The following TLL1 variants were observed in gnomAD, a reference collection of about 807,000 sequenced individuals.
TLL1 encodes the protein tolloid like 1, also known as tolloid-like protein 1.
TLL1 carries 49 observed loss-of-function variants against 128.2 expected under a neutral mutation model. The ratio of observed to expected loss-of-function variants is 0.38; its 90% CI spans 0.30 to 0.48. The LOEUF (loss-of-function observed/expected upper bound fraction) is 0.48. Ranked by LOEUF, TLL1 falls within the 20% of genes least tolerant of loss-of-function variation. The pLI is 0.96. For missense variants in TLL1, 1,123 were observed against 1,242.0 expected (o/e 0.90, Z 1.44); for synonymous variants, 454 against 418.8 (o/e 1.08, Z -1.03).
At chr4:166,010,725 G>A (rs1397496552) in intron 7 of TLL1, among the ~76,000 whole-genome samples, 1 of 151,104 alleles carries the variant, frequency 6.6e-6, no homozygotes, top group Non-Finnish European at 1.5e-5. Context: ...CTGGTCACAT[G>A]CAACACCATG....
At chr4:165,923,734 T>A (rs538625467) in intron 1 of TLL1, among the ~76,000 whole-genome samples, 1 of 152,064 alleles carries the variant, frequency 6.6e-6, no homozygotes, top group Non-Finnish European at 1.5e-5. Context: ...TGCACCTGGC[T>A]GGTATACCTG....
chr4:165,938,730 C>T (rs937033030), intron 1 of TLL1, among the ~76,000 whole-genome samples: 2 of 151,984 alleles, frequency 1.3e-5, no homozygotes, highest in African/African-American at 4.8e-5. Context: ...CCTTTGGCTC[C>T]TGCCAACCAC....
At chr4:166,033,180 A>G (rs1738850955) in intron 9 of TLL1, among the ~76,000 whole-genome samples, 1 of 152,146 alleles carries the variant, frequency 6.6e-6, no homozygotes, top group African/African-American at 2.4e-5. Flanking sequence ...ACTTTACAAA[A>G]TGTACCTGCG....
At chr4:166,064,835 T>G (rs1740497950) in intron 15 of TLL1, among the ~76,000 whole-genome samples, 1 of 152,128 alleles carries the variant, frequency 6.6e-6, no homozygotes, top group African/African-American at 2.4e-5. Context: ...ACCTATTTAG[T>G]AGCAGAAGAA....
chr4:165,959,679 A>G (rs1034169707), intron 1 of TLL1, among the ~76,000 whole-genome samples: 2 of 152,164 alleles, frequency 1.3e-5, no homozygotes, highest in Admixed American at 1.3e-4. Flanking sequence ...AGAAACAAAT[A>G]ACAGGAGTAT....
At chr4:166,060,619 A>G (rs755459770) in intron 15 of TLL1, among the ~76,000 whole-genome samples, 41 of 152,190 alleles carry the variant, frequency 2.7e-4, no homozygotes, top group Non-Finnish European at 5.3e-4. Context: ...TTCATTATGA[A>G]TGTGCTCGTG....
chr4:165,901,809 G>T (rs1443045614), intron 1 of TLL1, among the ~76,000 whole-genome samples: 3 of 152,186 alleles, frequency 2.0e-5, no homozygotes, highest in African/African-American at 7.2e-5. Flanking sequence ...GAGCTGGCAG[G>T]CAGGAACATT....
intron 7 of TLL1, among the ~76,000 whole-genome samples, chr4:166,010,782 T>G (rs1352282034): frequency 1.3e-5 from 2 of 151,226 alleles, no homozygotes; most frequent in African/African-American, 4.8e-5. Flanking sequence ...AGTTTGGGTC[T>G]TATGTTTATT....
chr4:166,066,871 A>T (rs7686255), intron 16 of TLL1, among the ~76,000 whole-genome samples: 65,562 of 151,596 alleles, frequency 0.43, 15,505 homozygotes, highest in African/African-American at 0.64. Context: ...GATTTATGTT[A>T]TTCAAAGTAT....
At chr4:165,906,011 C>T (rs935694937) in intron 1 of TLL1, among the ~76,000 whole-genome samples, 1 of 151,894 alleles carries the variant, frequency 6.6e-6, no homozygotes, top group African/African-American at 2.4e-5. Context: ...GTTTTGTATA[C>T]ATTATAATTC....
chr4:165,934,700 C>A (rs1733688916), intron 1 of TLL1, among the ~76,000 whole-genome samples: 1 of 152,220 alleles, frequency 6.6e-6, no homozygotes, highest in Non-Finnish European at 1.5e-5. Flanking sequence ...TTGATTCCAA[C>A]AGACTCCCTG....
intron 1 of TLL1, among the ~76,000 whole-genome samples, chr4:165,930,791 A>G (rs1161634652): frequency 1.3e-5 from 2 of 152,244 alleles, no homozygotes; most frequent in Non-Finnish European, 2.9e-5. Flanking sequence ...TACTTGAGAA[A>G]TTCTTTTAAA....
intron 9 of TLL1, chr4:166,030,930 C>G (rs1738738468): frequency 1.0e-6 from 1 of 981,014 alleles, no homozygotes. Flanking sequence ...GCACATTTAA[C>G]TTTGTTTTAA....
At chr4:165,994,245 T>C in intron 3 of TLL1, 136 bp from the exon 4 acceptor site, 1 of 940,622 alleles carries the variant, frequency 1.1e-6, no homozygotes, top group East Asian at 2.6e-5. Context: ...CTGAAGTTTT[T>C]CTTTAATGCA....
At chr4:166,058,522 G>A (rs560321953) in intron 14 of TLL1, among the ~76,000 whole-genome samples, 29 of 152,156 alleles carry the variant, frequency 1.9e-4, no homozygotes, top group African/African-American at 7.0e-4. Flanking sequence ...TTCTTGTAAA[G>A]CATTTTCTTA....
chr4:166,012,909 T>C (rs1221667775), intron 7 of TLL1, among the ~76,000 whole-genome samples: 1 of 151,758 alleles, frequency 6.6e-6, no homozygotes, highest in African/African-American at 2.4e-5. Flanking sequence ...ACCTTGGAGC[T>C]AGGGCAGTTA....
chr4:165,939,867 C>T (rs1300978999), intron 1 of TLL1, among the ~76,000 whole-genome samples: 1 of 152,024 alleles, frequency 6.6e-6, no homozygotes, highest in Admixed American at 6.6e-5. Context: ...CTTAAATATT[C>T]CTATGGACTT....
chr4:166,021,859 T>A (rs1052429888), intron 8 of TLL1, among the ~76,000 whole-genome samples: 3 of 152,176 alleles, frequency 2.0e-5, no homozygotes, highest in African/African-American at 4.8e-5. Context: ...CTATCTGTTC[T>A]CCAGCTATGC....
chr4:166,081,391 C>T (rs940434380), intron 18 of TLL1, among the ~76,000 whole-genome samples: 1 of 152,150 alleles, frequency 6.6e-6, no homozygotes, highest in Non-Finnish European at 1.5e-5. Context: ...TGACCACTTC[C>T]CTTTCTCAAG....
Sources: allele counts gnomAD v4.1 joint callset (sites outside exome capture counted in the v4.1 genomes callset), GRCh38; gene constraint gnomAD v4.1.1; transcripts MANE v1.5; gene names NCBI Gene and HGNC (gene_info 2026-07-23, HGNC 2026-07-21).